GOLM1: variants seen among roughly 807,000 people sequenced by gnomAD.
GOLM1 encodes the protein epididymis luminal protein 46.
GOLM1 carries 31 observed loss-of-function variants against 50.5 expected under a neutral mutation model. The ratio of observed to expected loss-of-function variants is 0.61; its 90% CI spans 0.46 to 0.83. The LOEUF is 0.83. GOLM1 is among the 40% of genes least tolerant of loss of function. GOLM1 has a pLI of 0.00. For synonymous variants in GOLM1, 178 were observed against 192.8 expected (o/e 0.92, Z 0.64); for missense variants, 491 against 501.3 (o/e 0.98, Z 0.20).
intron 1 of GOLM1, among the ~76,000 whole-genome samples, chr9:86,088,601 TG>T (rs1835071595): frequency 6.7e-6 from 1 of 150,072 alleles, no homozygotes; most frequent in African/African-American, 2.4e-5. Flanking sequence ...TTTGTTTTTT[TG>T]CTTTCCGTTG....
chr9:86,077,121 T>C (rs1197775789), intron 3 of GOLM1, among the ~76,000 whole-genome samples: 3 of 151,170 alleles, frequency 2.0e-5, no homozygotes, highest in Admixed American at 6.6e-5. Context: ...TTGTGGAAAG[T>C]GGGAAGAAAA....
intron 9 of GOLM1, among the ~76,000 whole-genome samples, chr9:86,031,947 A>AG (rs1564339372): frequency 2.0e-5 from 3 of 150,582 alleles, no homozygotes; most frequent in East Asian, 1.9e-4. Flanking sequence ...AAAAAAAAAA[A>AG]AAAGACGCCA....
chr9:86,099,287 G>A (rs1342434435), intron 1 of GOLM1, 124 bp downstream of exon 1: 3 of 152,252 alleles, frequency 2.0e-5, no homozygotes, highest in African/African-American at 4.8e-5. Flanking sequence ...CCCGGCGCAA[G>A]CCGCGGGGAG....
intron 1 of GOLM1, among the ~76,000 whole-genome samples, chr9:86,094,708 T>C (rs1232442287): frequency 6.6e-6 from 1 of 152,104 alleles, no homozygotes; most frequent in East Asian, 1.9e-4. Context: ...GGCAGGAGGA[T>C]CACTTGAGCC....
chr9:86,057,710 AG>A (rs1160471585), intron 3 of GOLM1, among the ~76,000 whole-genome samples: 1 of 152,162 alleles, frequency 6.6e-6, no homozygotes, highest in Non-Finnish European at 1.5e-5. Flanking sequence ...GTGAGCGTGG[AG>A]GGCAAGAAGG....
chr9:86,026,566 T>C lies in GOLM1; in HGVS notation c.*1251A>G. On this transcript the variant is annotated 3_prime_UTR_variant, in exon 10 of 10. Coordinates refer to ENST00000388712, the MANE Select transcript of GOLM1 (RefSeq NM_016548.4). ...TAAGAGGGTTGGATCAAACGATCTC[T>C]GGGGCCTTAGCATCTCAAATCCTGT... is the stretch of plus-strand genomic sequence containing the variant. The C allele has an allele frequency of 1.1e-6, 1 of 918,888 alleles. No homozygotes were observed. Among genetic ancestry groups the C allele is most frequent in the Non-Finnish European group, 1.3e-6 (1 of 769,190 alleles). The allele number at this position is 918,888 out of a possible 1,614,324, so 56.9% of individuals were successfully genotyped here. A position where few individuals can be genotyped will look rare whatever the true frequency, so the allele number is the denominator to read the frequency against.
rs1008566182 is a variant in GOLM1, at chr9:86,080,511, A to G, written c.-21-1170T>C. ...CAAAAAAGACAAGGGACGGGTAAGG[A>G]AGAGGATACCACCAAGGATTCACCT... On this transcript the variant is annotated intron_variant, in intron 1 of 9. Coordinates refer to ENST00000388712, the MANE Select transcript of GOLM1 (RefSeq NM_016548.4). Among the ~76,000 whole-genome samples the G allele has an allele frequency of 1.6e-3, 244 of 152,262 alleles. 2 individuals carry two copies. Among genetic ancestry groups the G allele is most frequent in the African/African-American group, 5.8e-3 (239 of 41,554 alleles).
chr9:86,082,168 A>G (rs1175801971), intron 1 of GOLM1, among the ~76,000 whole-genome samples: 1 of 150,302 alleles, frequency 6.7e-6, no homozygotes, highest in Non-Finnish European at 1.5e-5. Flanking sequence ...AGCTGGGACT[A>G]CAGGCACCTG....
chr9:86,028,999 C>G (rs949692827), intron 9 of GOLM1, among the ~76,000 whole-genome samples: 1 of 152,088 alleles, frequency 6.6e-6, no homozygotes, highest in African/African-American at 2.4e-5. Flanking sequence ...CAGGCGCCCG[C>G]CACCACGCCC....
chr9:86,050,361 C>G (rs986183327), intron 4 of GOLM1, among the ~76,000 whole-genome samples: 7 of 152,178 alleles, frequency 4.6e-5, no homozygotes, highest in Non-Finnish European at 8.8e-5. Flanking sequence ...GCTTTGGTAT[C>G]AGGATGATGC....
chr9:86,028,085 A>C (rs949158224), intron 9 of GOLM1, among the ~76,000 whole-genome samples, 192 bp from the exon 10 acceptor site: 1 of 151,886 alleles, frequency 6.6e-6, no homozygotes, highest in African/African-American at 2.4e-5. Context: ...GGGGACAGGG[A>C]AGTGCTGGGT....
intron 5 of GOLM1, among the ~76,000 whole-genome samples, chr9:86,041,763 G>A (rs945764900): frequency 1.3e-5 from 2 of 152,160 alleles, no homozygotes; most frequent in African/African-American, 4.8e-5. Context: ...TCTGAGGTGG[G>A]AGCAGTAGTA....
At chr9:86,067,340 A>G (rs1437306546) in intron 3 of GOLM1, among the ~76,000 whole-genome samples, 1 of 152,254 alleles carries the variant, frequency 6.6e-6, no homozygotes, top group African/African-American at 2.4e-5. Context: ...ATTGGCTTCT[A>G]CCAAAAACTA....
chr9:86,072,140 C>G (rs1467854325), intron 3 of GOLM1, among the ~76,000 whole-genome samples: 1 of 151,948 alleles, frequency 6.6e-6, no homozygotes, highest in Non-Finnish European at 1.5e-5. Context: ...AGTAATAGTT[C>G]AGAAATATAA....
chr9:86,064,400 G>A (rs977092006), intron 3 of GOLM1, among the ~76,000 whole-genome samples: 6 of 152,062 alleles, frequency 3.9e-5, no homozygotes, highest in Non-Finnish European at 8.8e-5. Context: ...ATCTGTCACG[G>A]GGCCTGTTGA....
Position 86,076,096 on chromosome 9 carries a change from CAG to C in GOLM1, c.309+1314_309+1315del, listed in dbSNP as rs370837115. On this transcript the variant is annotated intron_variant, in intron 3 of 9. Transcript: ENST00000388712. ...CATTCTTCCAATAAATTAGCCACTC[CAG>C]AGAGAGAGGTACACGCATTATAAAA... Among the ~76,000 whole-genome samples the C allele has an allele frequency of 2.1e-3, 324 of 152,128 alleles. 3 individuals carry two copies. Among genetic ancestry groups the C allele is most frequent in the African/African-American group, 7.3e-3 (304 of 41,516 alleles).
intron 1 of GOLM1, chr9:86,079,880 T>A (rs1361486665): frequency 6.6e-6 from 1 of 152,192 alleles, no homozygotes; most frequent in East Asian, 1.9e-4. Flanking sequence ...ACAGGATTAC[T>A]AATGACACCC....
rs546951083 is a variant in GOLM1 at position 86,074,640 on chromosome 9, T to G, written c.309+2772A>C. Among the ~76,000 whole-genome samples the G allele has an allele frequency of 9.7e-4, 148 of 152,346 alleles. 1 individual carries two copies. The highest frequency in any genetic ancestry group is 1.7e-3 in the African/African-American group (70 of 41,580). On this transcript the variant is annotated intron_variant, in intron 3 of 9. Coordinates refer to ENST00000388712, the MANE Select transcript of GOLM1 (RefSeq NM_016548.4). ...TAGGTGTCATCCTGGTGACAGCTGCTAACTCTCTGAGCTTCCATTCACTAA... is the reference window on the plus strand; with the variant it reads ...TAGGTGTCATCCTGGTGACAGCTGCGAACTCTCTGAGCTTCCATTCACTAA...
At chr9:86,035,347 C>T (rs887411187) in intron 8 of GOLM1, 21 bp downstream of exon 8, 2 of 1,608,504 alleles carry the variant, frequency 1.2e-6, no homozygotes, top group African/African-American at 2.7e-5. Context: ...TCCACAGCGG[C>T]CCCCGAAACT....
Sources: gnomAD v4.1 joint callset for allele counts (sites outside exome capture counted in the v4.1 genomes callset) on GRCh38, gnomAD v4.1.1 for gene constraint, MANE v1.5 for transcripts, NCBI Gene and HGNC (gene_info 2026-07-23, HGNC 2026-07-21) for gene names.